The following ANKS1B variants were observed in gnomAD, a reference collection of about 807,000 sequenced individuals.
The protein encoded by ANKS1B is ankyrin repeat and sterile alpha motif domain-containing protein 1B.
In ANKS1B, 36 loss-of-function variants were observed where a neutral mutation model predicts 148.3. The ratio of observed to expected loss-of-function variants is 0.24; its 90% confidence interval spans 0.19 to 0.32. The LOEUF is 0.32. Among genes scored for constraint, ANKS1B ranks in the 10% least tolerant of loss-of-function variants. ANKS1B has a pLI of 1.00. For synonymous variants in ANKS1B, 542 were observed against 560.8 expected, an observed-to-expected ratio of 0.97 and a Z score of 0.47; for missense variants, 1,157 against 1,542.6, an observed-to-expected ratio of 0.75 and a Z score of 4.19.
intron 11 of ANKS1B, among the ~76,000 whole-genome samples, chr12:99,414,108 A>G (rs1472993586): frequency 1.3e-5 from 2 of 150,536 alleles, no homozygotes; most frequent in Non-Finnish European, 3.0e-5. Flanking sequence ...CATCAATCAG[A>G]GCAGTTATAC....
chr12:99,275,069 G>C (rs775730679), intron 12 of ANKS1B, among the ~76,000 whole-genome samples: 2 of 152,072 alleles, frequency 1.3e-5, no homozygotes. Flanking sequence ...ATTTTTGTGG[G>C]TAGATAGTAG....
chr12:99,015,784 T>C (rs181567833), intron 17 of ANKS1B, among the ~76,000 whole-genome samples: 1 of 152,280 alleles, frequency 6.6e-6, no homozygotes, highest in Admixed American at 6.5e-5. Context: ...GAGAATGGTG[T>C]GAACCTGGGA....
chr12:99,437,764 C>T (rs955549938), intron 11 of ANKS1B, among the ~76,000 whole-genome samples: 1 of 152,020 alleles, frequency 6.6e-6, no homozygotes, highest in East Asian at 1.9e-4. Flanking sequence ...AACTTTTAGG[C>T]TCTTCTTTCT....
chr12:99,428,226 C>T (rs1189427666), intron 11 of ANKS1B, among the ~76,000 whole-genome samples: 1 of 151,946 alleles, frequency 6.6e-6, no homozygotes, highest in Non-Finnish European at 1.5e-5. Flanking sequence ...AGTCAAGGCA[C>T]TGTAAAGGTG....
At chr12:98,892,440 T>G (rs987249768) in intron 17 of ANKS1B, among the ~76,000 whole-genome samples, 1 of 152,222 alleles carries the variant, frequency 6.6e-6, no homozygotes, top group Admixed American at 6.5e-5. Context: ...CTCTGTCAAT[T>G]TATACCCTAT....
chr12:99,464,531 T>G (rs553503389), intron 10 of ANKS1B, among the ~76,000 whole-genome samples: 80 of 152,228 alleles, frequency 5.3e-4, no homozygotes, highest in African/African-American at 1.9e-3. Flanking sequence ...GGCAAAGAAG[T>G]TAAAAACTTT....
At chr12:99,595,411 A>G (rs908857276) in intron 9 of ANKS1B, among the ~76,000 whole-genome samples, 1 of 151,876 alleles carries the variant, frequency 6.6e-6, no homozygotes, top group Non-Finnish European at 1.5e-5. Flanking sequence ...AATTGTTCCA[A>G]TTGCCTGTAT....
At chr12:99,714,976 A>C (rs2057115836) in intron 8 of ANKS1B, among the ~76,000 whole-genome samples, 1 of 151,634 alleles carries the variant, frequency 6.6e-6, no homozygotes, top group Admixed American at 6.6e-5. Context: ...AAAAAAAAAA[A>C]AAATTAGCTG....
intron 17 of ANKS1B, among the ~76,000 whole-genome samples, chr12:99,048,135 C>T (rs1044061039): frequency 3.3e-5 from 5 of 152,140 alleles, no homozygotes; most frequent in Non-Finnish European, 5.9e-5. Flanking sequence ...GCCATATGTT[C>T]AGGCATGGAA....
chr12:99,027,107 T>C (rs1056006191), intron 17 of ANKS1B, among the ~76,000 whole-genome samples: 4 of 152,204 alleles, frequency 2.6e-5, no homozygotes, highest in African/African-American at 9.7e-5. Flanking sequence ...ATACAGAGAG[T>C]TCAGGTTTAA....
At chr12:99,326,604 G>C (rs1420209308) in intron 12 of ANKS1B, among the ~76,000 whole-genome samples, 1 of 152,046 alleles carries the variant, frequency 6.6e-6, no homozygotes, top group Non-Finnish European at 1.5e-5. Flanking sequence ...TCCCAGTACA[G>C]GACTTGAGGG....
chr12:98,998,846 C>T (rs1044890762), intron 17 of ANKS1B, among the ~76,000 whole-genome samples: 11 of 152,148 alleles, frequency 7.2e-5, no homozygotes, highest in African/African-American at 2.7e-4. Context: ...GGAACGAGCT[C>T]GTTAACACTG....
chr12:99,656,022 C>T (rs1164003698), intron 8 of ANKS1B, among the ~76,000 whole-genome samples: 1 of 152,058 alleles, frequency 6.6e-6, no homozygotes, highest in African/African-American at 2.4e-5. Context: ...AATTATACCC[C>T]TAGACCCATC....
At chr12:99,772,726 G>A in intron 8 of ANKS1B, 196 bp downstream of exon 8, 1 of 422,618 alleles carries the variant, frequency 2.4e-6, no homozygotes, top group Non-Finnish European at 4.2e-6. Context: ...ACCATGAAGT[G>A]ATCTGTCAAA....
chr12:99,469,519 T>C (rs1255538369), intron 10 of ANKS1B, among the ~76,000 whole-genome samples: 1 of 152,146 alleles, frequency 6.6e-6, no homozygotes, highest in Admixed American at 6.6e-5. Flanking sequence ...ACACAATGTG[T>C]CTAATTTGTC....
chr12:99,049,417 T>C (rs2153520046), intron 17 of ANKS1B, among the ~76,000 whole-genome samples: 1 of 152,292 alleles, frequency 6.6e-6, no homozygotes, highest in South Asian at 2.1e-4. Context: ...TGTGAGTTTA[T>C]AATGCTGATC....
At chr12:99,576,554 A>T (rs1253558953) in intron 9 of ANKS1B, among the ~76,000 whole-genome samples, 1 of 152,126 alleles carries the variant, frequency 6.6e-6, no homozygotes, top group African/African-American at 2.4e-5. Flanking sequence ...ACAGCACAGT[A>T]AAAATAGAAA....
intron 10 of ANKS1B, among the ~76,000 whole-genome samples, chr12:99,465,931 C>T (rs1203768496): frequency 1.3e-5 from 2 of 152,152 alleles, no homozygotes; most frequent in Non-Finnish European, 2.9e-5. Context: ...CCCAGCTCTG[C>T]ACCAAGCAGA....
chr12:99,670,965 C>G (rs1203339436), intron 8 of ANKS1B, among the ~76,000 whole-genome samples: 2 of 152,090 alleles, frequency 1.3e-5, no homozygotes, highest in African/African-American at 2.4e-5. Context: ...CAACATTAGT[C>G]AAGGCACAAT....
Sources: gnomAD v4.1 joint callset for allele counts (sites outside exome capture counted in the v4.1 genomes callset) on GRCh38, gnomAD v4.1.1 for gene constraint, MANE v1.5 for transcripts, NCBI Gene and HGNC (gene_info 2026-07-23, HGNC 2026-07-21) for gene names.